The following RBFOX1 variants were observed in gnomAD, a reference collection of about 807,000 sequenced individuals.
RBFOX1 encodes the protein RNA binding fox-1 homolog 1, also known as RNA binding protein fox-1 homolog 1.
In RBFOX1, 8 loss-of-function variants were observed where a neutral mutation model predicts 57.7. The ratio of observed to expected loss-of-function variants is 0.14; its 90% CI spans 0.08 to 0.25. The LOEUF (loss-of-function observed/expected upper bound fraction) is 0.25, where lower values mean the gene tolerates loss of function less well. Ranked by LOEUF, RBFOX1 falls within the 10% of genes least tolerant of loss-of-function variation. The pLI is 1.00. For missense variants in RBFOX1, 611 were observed against 548.5 expected (o/e 1.11, Z -1.14); for synonymous variants, 326 against 222.4 (o/e 1.47, Z -4.15).
At chr16:7,462,967 T>C (rs561297201) in intron 4 of RBFOX1, among the ~76,000 whole-genome samples, 5 of 152,300 alleles carry the variant, frequency 3.3e-5, no homozygotes, top group Admixed American at 2.6e-4. Context: ...GATCTGTAAC[T>C]TGAATTACAT....
intron 2 of RBFOX1, among the ~76,000 whole-genome samples, chr16:6,645,037 G>A (rs1000393442): frequency 6.6e-6 from 1 of 152,110 alleles, no homozygotes; most frequent in African/African-American, 2.4e-5. Flanking sequence ...TGAGCAGGAC[G>A]GCTCTCCCAG....
chr16:6,518,888 T>C (rs1336518874), intron 2 of RBFOX1, among the ~76,000 whole-genome samples: 1 of 151,924 alleles, frequency 6.6e-6, no homozygotes, highest in Admixed American at 6.6e-5. Flanking sequence ...CGTTCTTCCC[T>C]GGAGCTAGCA....
At chr16:6,723,808 G>C (rs762094971) in intron 3 of RBFOX1, 2 of 151,786 alleles carry the variant, frequency 1.3e-5, no homozygotes, top group Non-Finnish European at 2.9e-5. Context: ...TTCCAGCTAC[G>C]TACTCAAGAT....
At chr16:5,691,296 G>A (rs748489750) in intron 3 of RBFOX1, among the ~76,000 whole-genome samples, 28 of 152,166 alleles carry the variant, frequency 1.8e-4, no homozygotes, top group Admixed American at 1.3e-4. Context: ...CATTGTATGC[G>A]GTACATAAGA....
At chr16:5,533,177 G>C (rs142695075) in intron 2 of RBFOX1, among the ~76,000 whole-genome samples, 3 of 152,214 alleles carry the variant, frequency 2.0e-5, no homozygotes, top group African/African-American at 7.2e-5. Flanking sequence ...GTATTTAGAA[G>C]GTTTGTAAAT....
At chr16:6,578,776 A>C (rs2097487398) in intron 2 of RBFOX1, among the ~76,000 whole-genome samples, 1 of 152,134 alleles carries the variant, frequency 6.6e-6, no homozygotes, top group African/African-American at 2.4e-5. Flanking sequence ...AATAGATAAA[A>C]ATGTATTTAT....
rs146387898 is a variant in RBFOX1, at chr16:6,086,014, C to T, written c.-127+66022C>T. Among the ~76,000 whole-genome samples the T allele has an allele frequency of 6.7e-3, 1,022 of 152,206 alleles. 31 individuals are homozygous for T. Among genetic ancestry groups the T allele is most frequent in the Admixed American group, 0.042 (639 of 15,300 alleles). On this transcript the variant is annotated intron_variant, in intron 1 of 15. Transcript: ENST00000550418. ...ACAGACCCCACTGTGTGATGTTCCC[C>T]TCCCTGTGTCCATGTCTTCTCATTG...
chr16:6,773,131 TGGG>T (rs1193867021), intron 3 of RBFOX1, among the ~76,000 whole-genome samples: 1 of 123,722 alleles, frequency 8.1e-6, no homozygotes. Context: ...TATTGGGGTG[TGGG>T]GTGCATTTGT....
At chr16:7,271,939 A>G (rs1171455051) in intron 4 of RBFOX1, among the ~76,000 whole-genome samples, 10 of 152,088 alleles carry the variant, frequency 6.6e-5, no homozygotes, top group Non-Finnish European at 1.5e-4. Flanking sequence ...ATATCCCCTC[A>G]GGCTTGCTTT....
At chr16:6,656,917 C>CCTCAA (rs1451885478) in intron 3 of RBFOX1, among the ~76,000 whole-genome samples, 14 of 134,316 alleles carry the variant, frequency 1.0e-4, no homozygotes, top group Admixed American at 2.5e-4. Context: ...CCTCTCCTCC[C>CCTCAA]CTCTCCTCTC....
At chr16:6,603,921 G>A (rs994713519) in intron 2 of RBFOX1, among the ~76,000 whole-genome samples, 4 of 151,090 alleles carry the variant, frequency 2.6e-5, no homozygotes, top group African/African-American at 4.8e-5. Context: ...GCTCTGGGGC[G>A]AGGGGGCTGT....
chr16:5,382,124 T>C (rs2066145616), intron 1 of RBFOX1, among the ~76,000 whole-genome samples: 1 of 152,206 alleles, frequency 6.6e-6, no homozygotes, highest in African/African-American at 2.4e-5. Flanking sequence ...GTCCCTCCAA[T>C]GGGGCAGTCT....
intron 4 of RBFOX1, among the ~76,000 whole-genome samples, chr16:7,204,279 T>C (rs965682586): frequency 3.9e-5 from 6 of 152,206 alleles, no homozygotes; most frequent in African/African-American, 1.2e-4. Flanking sequence ...CTCAAGGCCA[T>C]TGTGTGTATC....
At chr16:6,853,575 G>A (rs1221804070) in intron 3 of RBFOX1, among the ~76,000 whole-genome samples, 1 of 152,062 alleles carries the variant, frequency 6.6e-6, no homozygotes, top group Non-Finnish European at 1.5e-5. Context: ...AGGGAGGTTA[G>A]CAAACGGATT....
intron 1 of RBFOX1, among the ~76,000 whole-genome samples, chr16:6,302,267 G>A (rs182544236): frequency 6.6e-6 from 1 of 151,690 alleles, no homozygotes; most frequent in Non-Finnish European, 1.5e-5. Context: ...CCAGTTTTAT[G>A]ACTTTCCTTT....
At chr16:6,474,920 A>G (rs78728828) in intron 2 of RBFOX1, among the ~76,000 whole-genome samples, 20,822 of 152,224 alleles carry the variant, frequency 0.14, 2,387 homozygotes, top group East Asian at 0.46. Context: ...ATTTAACATA[A>G]AGAGAAAGTG....
chr16:6,423,347 C>T (rs983124333), intron 2 of RBFOX1, among the ~76,000 whole-genome samples: 4 of 151,990 alleles, frequency 2.6e-5, no homozygotes, highest in African/African-American at 9.7e-5. Context: ...GCCTGTAATC[C>T]CAGCGCTTTG....
chr16:7,584,745 A>AT (rs554455229), intron 6 of RBFOX1, among the ~76,000 whole-genome samples: 21 of 152,242 alleles, frequency 1.4e-4, no homozygotes, highest in Non-Finnish European at 2.6e-4. Context: ...CTGTGTTTAC[A>AT]TCATTAGTAG....
At chr16:7,645,773 C>T (rs1326679897) in intron 11 of RBFOX1, among the ~76,000 whole-genome samples, 1 of 152,186 alleles carries the variant, frequency 6.6e-6, no homozygotes, top group African/African-American at 2.4e-5. Context: ...TTCTAAACAG[C>T]AGTATTTAAT....
Sources: gnomAD v4.1 joint callset for allele counts (sites outside exome capture counted in the v4.1 genomes callset) on GRCh38, gnomAD v4.1.1 for gene constraint, MANE v1.5 for transcripts, NCBI Gene and HGNC (gene_info 2026-07-23, HGNC 2026-07-21) for gene names.